Variants in LTBP4 observed in about 807,000 individuals in gnomAD.
The protein encoded by LTBP4 is latent-transforming growth factor beta-binding protein 4.
A neutral mutation model predicts 180.2 loss-of-function variants in LTBP4; 93 were observed. The ratio of observed to expected loss-of-function variants is 0.52; its 90% CI spans 0.44 to 0.61. The LOEUF is 0.61. Among genes scored for constraint, LTBP4 ranks in the 20% least tolerant of loss-of-function variants. The pLI, the probability that LTBP4 is intolerant of heterozygous loss-of-function variation, is 0.00. For missense variants in LTBP4, 2,116 were observed against 2,256.5 expected (o/e 0.94, Z 1.26); for synonymous variants, 947 against 934.5 (o/e 1.01, Z -0.24).
intron 6 of LTBP4, 86 bp downstream of exon 6, chr19:40,606,612 C>A: frequency 6.7e-7 from 1 of 1,486,886 alleles, no homozygotes; most frequent in Non-Finnish European, 9.0e-7. Context: ...TTAATTCCCT[C>A]GGACCCCCCC....
chr19:40,621,982 C>G (rs756710438), intron 22 of LTBP4, among the ~76,000 whole-genome samples: 6 of 152,256 alleles, frequency 3.9e-5, no homozygotes, highest in Admixed American at 3.9e-4. Flanking sequence ...CTCCTGACCT[C>G]AAGTAATCCA....
At chr19:40,610,792 G>C in intron 12 of LTBP4, 135 bp downstream of exon 12, 1 of 1,312,090 alleles carries the variant, frequency 7.6e-7, no homozygotes. Context: ...GAGCAGACGT[G>C]TGGCCTGATG....
intron 29 of LTBP4, 99 bp downstream of exon 29, chr19:40,627,956 G>A: frequency 6.9e-7 from 1 of 1,446,010 alleles, no homozygotes; most frequent in African/African-American, 1.4e-5. Flanking sequence ...GGACGGGAAA[G>A]GACCTCACTA....
chr19:40,611,441 G>T lies in LTBP4; in HGVS notation c.2053+47G>T. ...CTACTCCATCACTGTTTGCTGTGGAGACTGGAGAGAGATTATTGAGGGGCA... is the reference window on the plus strand; with the variant it reads ...CTACTCCATCACTGTTTGCTGTGGATACTGGAGAGAGATTATTGAGGGGCA... On this transcript the variant is annotated intron_variant, in intron 13 of 29. Coordinates refer to ENST00000396819, the MANE Select transcript of LTBP4 (RefSeq NM_001042545.2). This position sits in a 1 kb window ranked among gnomAD's most constrained non-coding sequence, Gnocchi z 4.4. 6.4e-7 allele frequency: 1 copy of T among 1,564,574 alleles called. No homozygotes were observed. Among genetic ancestry groups the T allele is most frequent in the South Asian group, 1.2e-5 (1 of 85,958 alleles).
chr19:40,606,318 G>T lies in LTBP4; in HGVS notation c.868+11G>T. On this transcript the variant is annotated intron_variant, in intron 5 of 29. Coordinates refer to ENST00000396819, the MANE Select transcript of LTBP4 (RefSeq NM_001042545.2). ...ATGGGTCCTGCGAAGGTGCAACGGG[G>T]CAGGGGTGGGAGGGGCTTGGTTCTG... 6.2e-7 allele frequency: 1 copy of T among 1,601,022 alleles called. No individual in the cohort carries two copies. The highest frequency in any genetic ancestry group is 8.5e-7 in the Non-Finnish European group (1 of 1,173,954).
At chr19:40,607,084 CA>C (rs1163629686) in intron 6 of LTBP4, among the ~76,000 whole-genome samples, 1 of 152,156 alleles carries the variant, frequency 6.6e-6, no homozygotes, top group East Asian at 1.9e-4. Context: ...CTCAGACCCC[CA>C]AATCCTCTCG....
At chr19:40,610,983 G>T in intron 12 of LTBP4, 169 bp from the exon 13 acceptor site, 1 of 963,596 alleles carries the variant, frequency 1.0e-6, no homozygotes, top group South Asian at 1.7e-5. Context: ...GACAGAACCA[G>T]CCAGGCAGCT....
intron 24 of LTBP4, among the ~76,000 whole-genome samples, 198 bp from the exon 25 acceptor site, chr19:40,623,406 C>A (rs965702826): frequency 6.6e-6 from 1 of 152,066 alleles, no homozygotes; most frequent in African/African-American, 2.4e-5. Flanking sequence ...AACTCCTGAC[C>A]TCAAGTGATC....
In LTBP4 at chr19:40,619,448, T is replaced by G. The variant is rs773660352; in HGVS notation, c.3172T>G (p.Phe1058Val). Residue 1058 changes from phenylalanine to valine, a missense_variant, in exon 22 of 30, where the codon TTT becomes GTT. Phe to Val is a conservative substitution (Grantham distance 50, BLOSUM62 -1). Transcript: ENST00000396819. ...TGTCTGCCCCAACAGCCCGGAAGAG[T>G]TTGACCCCATGACTGGACGCTGTGT... ...LCVCPNSPEE[F>V]DPMTGRCVPP... The G allele has an allele frequency of 3.1e-6, 5 of 1,613,562 alleles. No individual in the cohort carries two copies. Among genetic ancestry groups the G allele is most frequent in the Non-Finnish European group, 4.2e-6 (5 of 1,179,752 alleles).
In LTBP4 at chr19:40,629,240, C is replaced by T. The variant is rs2081659197; in HGVS notation, c.4520-156C>T. The T allele has an allele frequency of 1.1e-6, 1 of 885,730 alleles. No individual in the cohort carries two copies. The highest frequency in any genetic ancestry group is 1.5e-5 in the South Asian group (1 of 65,074). 54.9% of individuals were successfully genotyped at this position (885,730 alleles called of 1,614,324 possible). On this transcript the variant is annotated intron_variant, in intron 29 of 29. Transcript: ENST00000396819. This position sits in a 1 kb window ranked among gnomAD's most constrained non-coding sequence, Gnocchi z 4.5. ...ACTGAAGCACAGTGAGGTTAAGCCA[C>T]CTGGCCGGGCTCACACAGTTAGCAG...
In LTBP4 at chr19:40,627,016, T is replaced by G; in HGVS notation, c.4027T>G (p.Tyr1343Asp). The G allele has an allele frequency of 6.3e-7, 1 of 1,599,132 alleles. No homozygotes were observed. The highest frequency in any genetic ancestry group is 8.5e-7 in the Non-Finnish European group (1 of 1,170,496). Residue 1343 changes from tyrosine to aspartate, a missense_variant, in exon 28 of 30, where the codon TAT (tyrosine) becomes GAT (aspartate). By Grantham distance (160) the Tyr-to-Asp change is radical. Coordinates refer to ENST00000396819, the MANE Select transcript of LTBP4 (RefSeq NM_001042545.2). ...ALCNVLRPPAYSPPRPGGFGL... is the reference protein window; with the variant it reads ...ALCNVLRPPADSPPRPGGFGL... ...GTGCAATGTGCTACGCCCCCCCGCA[T>G]ATAGCCCCCCGCGACCAGGTGGCTT...
In LTBP4 at chr19:40,627,161, C is replaced by T. The variant is rs2081640660; in HGVS notation, c.4172C>T (p.Pro1391Leu). ...GACCCCTACCCACCGCCACCTGGGCCCTTCGCCCGCCGGGAGGCTCCTTAT... is the reference window on the plus strand; with the variant it reads ...GACCCCTACCCACCGCCACCTGGGCTCTTCGCCCGCCGGGAGGCTCCTTAT... ...PYDPYPPPPG[P>L]FARREAPYGA... The change falls in exon 28 of 30, where the codon CCC (proline) becomes CTC (leucine). Residue 1391 changes from proline to leucine, a missense_variant. Physicochemically the swap from Pro to Leu is moderately conservative, Grantham distance 98. Around this residue, in one of 5 missense-constraint regions of LTBP4, gnomAD observed 488 missense variants for 458.8 expected, o/e 1.06. Transcript: ENST00000396819. 1 of 1,611,718 alleles carries T rather than the reference C, an allele frequency of 6.2e-7. No homozygotes were observed.
upstream of LTBP4, chr19:40,599,622 G>C: frequency 6.7e-7 from 1 of 1,496,372 alleles, no homozygotes; most frequent in East Asian, 2.3e-5. Flanking sequence ...CCCCGTTTCC[G>C]CTCCTCCTCC....
At chr19:40,593,336 G>A (rs761599794) in intron 1 of LTBP4, among the ~76,000 whole-genome samples, 30 of 152,218 alleles carry the variant, frequency 2.0e-4, no homozygotes, top group Non-Finnish European at 4.1e-4. Flanking sequence ...TCGGCCTTCT[G>A]GGCTCAAGTG....
chr19:40,622,741 A>G lies in LTBP4; in HGVS notation c.3484+74A>G. 6.6e-7 allele frequency: 1 copy of G among 1,509,798 alleles called. No individual in the cohort carries two copies. The highest frequency in any genetic ancestry group is 1.3e-5 in the South Asian group (1 of 77,716). 93.5% of individuals were successfully genotyped at this position (1,509,798 alleles called of 1,614,324 possible). ...ACTGGGTGGGGTGTGGGCCTGGGAC[A>G]GGGGACACTTTTGGACAGGGCCTTG... On this transcript the variant is annotated intron_variant, in intron 23 of 29. Transcript: ENST00000396819. The surrounding 1 kb of genome is among the most constrained non-coding windows in gnomAD (Gnocchi z 5.1).
intron 27 of LTBP4, 112 bp from the exon 28 acceptor site, chr19:40,626,863 C>A: frequency 7.6e-7 from 1 of 1,322,136 alleles, no homozygotes; most frequent in Non-Finnish European, 9.8e-7. Context: ...ACCCCGGGGC[C>A]ACCCAGGACC....
chr19:40,628,004 TC>T, intron 29 of LTBP4, 147 bp downstream of exon 29: 1 of 1,179,726 alleles, frequency 8.5e-7, no homozygotes, highest in Non-Finnish European at 1.2e-6. Context: ...GAGTAATTCT[TC>T]CACCTGGGTG....
intron 22 of LTBP4, among the ~76,000 whole-genome samples, chr19:40,621,269 C>G (rs2081584655): frequency 6.6e-6 from 1 of 152,112 alleles, no homozygotes; most frequent in African/African-American, 2.4e-5. Flanking sequence ...AACCCTTGTA[C>G]CTCTGTCCCT....
Position 40,627,060 on chromosome 19 carries a change from C to T in LTBP4, c.4071C>T (p.Tyr1357=), listed in dbSNP as rs374048273. ...GTGGCTTTGGACTCCCCTACGAGTA[C>T]GGCCCAGACTTAGGTCCACCTTACC... ...RPGGFGLPYE[Y]GPDLGPPYQG... is the part of the protein sequence containing the mutation. The change falls in exon 28 of 30, where the codon TAC becomes TAT. Residue 1357 remains tyrosine, a synonymous_variant. Transcript: ENST00000396819. 54 of 1,613,482 alleles carry T rather than the reference C, an allele frequency of 3.3e-5. No homozygotes were observed. The highest frequency in any genetic ancestry group is 6.7e-5 in the Admixed American group (4 of 59,956).
Sources: gnomAD v4.1 joint callset for allele counts (sites outside exome capture counted in the v4.1 genomes callset) on GRCh38, gnomAD v4.1.1 for gene constraint, gnomAD v4.1.1 regional missense constraint, Gnocchi (gnomAD v3.1) non-coding constraint, MANE v1.5 for transcripts, NCBI Gene and HGNC (gene_info 2026-07-23, HGNC 2026-07-21) for gene names.